RIMBP2: variants seen among roughly 807,000 people sequenced by gnomAD.
The protein encoded by RIMBP2 is RIMS-binding protein 2.
A neutral mutation model predicts 118.6 loss-of-function variants in RIMBP2; 48 were observed. That is an observed-to-expected ratio of 0.40 (90% confidence interval 0.32 to 0.51). The LOEUF (loss-of-function observed/expected upper bound fraction) is 0.51. Among genes scored for constraint, RIMBP2 ranks in the 20% least tolerant of loss-of-function variants. The pLI is 0.41. For missense variants in RIMBP2, 1,551 were observed against 1,768.3 expected (o/e 0.88, Z 2.20); for synonymous variants, 762 against 742.9 (o/e 1.03, Z -0.42).
At chr12:130,535,758 T>C (rs74494461) in intron 2 of RIMBP2, among the ~76,000 whole-genome samples, 24,307 of 63,020 alleles carry the variant, frequency 0.39, 2,825 homozygotes, top group Middle Eastern at 0.47. Flanking sequence ...TATATATATA[T>C]ATATATATAT....
intron 1 of RIMBP2, among the ~76,000 whole-genome samples, chr12:130,713,024 A>G (rs2136909051): frequency 6.6e-6 from 1 of 151,378 alleles, no homozygotes; most frequent in Admixed American, 6.6e-5. Context: ...GGTGAGTCAG[A>G]GAGAGAGACT....
Position 130,455,254 on chromosome 12 carries a change from C to T in RIMBP2, c.358+1242G>A, listed in dbSNP as rs114714723. Among the ~76,000 whole-genome samples the T allele has an allele frequency of 5.5e-3, 841 of 152,368 alleles. 7 individuals carry two copies. The highest frequency in any genetic ancestry group is 0.019 in the African/African-American group (797 of 41,590). On this transcript the variant is annotated intron_variant, in intron 7 of 22. Coordinates refer to ENST00000690449, the MANE Select transcript of RIMBP2 (RefSeq NM_001393629.1). Reference sequence around the variant, plus strand: ...CCTCCACTCTTCAGGTGTCACAGCTCAAATGTGGTTTCTTGGCAGCCGCCT... The same window carrying T: ...CCTCCACTCTTCAGGTGTCACAGCTTAAATGTGGTTTCTTGGCAGCCGCCT...
At chr12:130,538,145 G>A (rs564267989) in intron 2 of RIMBP2, among the ~76,000 whole-genome samples, 2 of 152,242 alleles carry the variant, frequency 1.3e-5, no homozygotes, top group African/African-American at 4.8e-5. Flanking sequence ...GCATTTGACC[G>A]TGGAGATGTT....
chr12:130,471,795 C>T (rs1358457216), intron 5 of RIMBP2: 2 of 152,584 alleles, frequency 1.3e-5, no homozygotes, highest in Non-Finnish European at 2.9e-5. Flanking sequence ...TTCCTCAGGC[C>T]TCTTCCTCCA....
intron 1 of RIMBP2, among the ~76,000 whole-genome samples, chr12:130,675,128 A>G (rs2064393079): frequency 6.6e-6 from 1 of 152,204 alleles, no homozygotes; most frequent in South Asian, 2.1e-4. Flanking sequence ...CTAGGACCCC[A>G]GTTGTCCCGA....
chr12:130,486,025 G>T (rs932581270), intron 4 of RIMBP2, among the ~76,000 whole-genome samples: 1 of 152,140 alleles, frequency 6.6e-6, no homozygotes, highest in African/African-American at 2.4e-5. Flanking sequence ...TTTGGCTTCA[G>T]CATCTATCTC....
chr12:130,451,069 G>T (rs2078964695), intron 8 of RIMBP2, 126 bp downstream of exon 8: 4 of 1,182,846 alleles, frequency 3.4e-6, no homozygotes, highest in African/African-American at 3.0e-5. Context: ...GGGGCAAAGG[G>T]AAGAACCAAC....
chr12:130,532,028 CGTCT>C (rs2053455362), intron 2 of RIMBP2, among the ~76,000 whole-genome samples: 1 of 81,302 alleles, frequency 1.2e-5, no homozygotes, highest in Non-Finnish European at 2.4e-5. Context: ...CTAGGAGGGA[CGTCT>C]AATGAGATGC....
At chr12:130,568,811 G>A (rs549967208) in intron 2 of RIMBP2, among the ~76,000 whole-genome samples, 10 of 152,194 alleles carry the variant, frequency 6.6e-5, no homozygotes, top group African/African-American at 2.4e-4. Context: ...TGTGAGGTGG[G>A]CAGAATTATT....
chr12:130,414,235 G>C lies in RIMBP2; in HGVS notation c.3310C>G (p.Leu1104Val). The C allele has an allele frequency of 1.2e-6, 2 of 1,614,100 alleles. No homozygotes were observed. Among genetic ancestry groups the C allele is most frequent in the Non-Finnish European group, 8.5e-7 (1 of 1,179,960 alleles). Residue 1104 changes from leucine to valine, a missense_variant, in exon 18 of 23, where the codon CTC (leucine) becomes GTC (valine). Physicochemically the swap from Leu to Val is conservative, Grantham distance 32 (BLOSUM62 1). Around this residue, in one of 5 missense-constraint regions of RIMBP2, gnomAD observed 1,038 missense variants for 1,125.1 expected, o/e 0.92. Coordinates refer to ENST00000690449, the MANE Select transcript of RIMBP2 (RefSeq NM_001393629.1). The stretch of plus-strand genomic sequence containing the variant: ...AGAGCCACAAAGATCCGGGCCGGGA[G>C]CTCTTCGGCACCAGGGTCAGTTTCT... ...ESETDPGAEE[L>V]PARIFVALFD...
chr12:130,469,537 T>C lies in RIMBP2; in HGVS notation c.153+1156A>G, dbSNP rs1051573281. On this transcript the variant is annotated intron_variant, in intron 6 of 22. Coordinates refer to ENST00000690449, the MANE Select transcript of RIMBP2 (RefSeq NM_001393629.1). This position sits in a 1 kb window ranked among gnomAD's most constrained non-coding sequence, Gnocchi z 4.8. ...TGGCCATTTGGAGGTCTGTTTCTAT[T>C]CTCCCAGGTTATATATTTTCCTATT... Among the ~76,000 whole-genome samples, 1 of 152,186 alleles carries C rather than the reference T, an allele frequency of 6.6e-6. No individual in the cohort carries two copies. Among genetic ancestry groups the C allele is most frequent in the Non-Finnish European group, 1.5e-5 (1 of 68,026 alleles).
At chr12:130,508,322 T>C (rs981289650) in intron 3 of RIMBP2, among the ~76,000 whole-genome samples, 6 of 151,766 alleles carry the variant, frequency 4.0e-5, no homozygotes, top group African/African-American at 1.5e-4. Context: ...TTCTGTGGTT[T>C]CCACAGAAAT....
chr12:130,478,865 C>T lies in RIMBP2; in HGVS notation c.102+47G>A, dbSNP rs765869347. ...CCACACCAGGGATCCCCGGCCCACC[C>T]GTGGACTCCCTGCCTCGCACGCCGC... On this transcript the variant is annotated intron_variant, in intron 5 of 22. Coordinates refer to ENST00000690449, the MANE Select transcript of RIMBP2 (RefSeq NM_001393629.1). 2.2e-5 allele frequency: 32 copies of T among 1,449,728 alleles called. 1 individual carries two copies. The highest frequency in any genetic ancestry group is 7.0e-5 in the African/African-American group (5 of 71,652). 89.8% of individuals were successfully genotyped at this position (1,449,728 alleles called of 1,614,324 possible). A position where few individuals can be genotyped will look rare whatever the true frequency, so the allele number is the denominator to read the frequency against.
At chr12:130,453,098 C>T (rs543141794) in intron 7 of RIMBP2, among the ~76,000 whole-genome samples, 1 of 152,214 alleles carries the variant, frequency 6.6e-6, no homozygotes, top group African/African-American at 2.4e-5. Context: ...AAAATGTTGA[C>T]TCAAAAAACC....
intron 2 of RIMBP2, among the ~76,000 whole-genome samples, chr12:130,583,633 A>G (rs2058623011): frequency 6.6e-6 from 1 of 150,414 alleles, no homozygotes; most frequent in Non-Finnish European, 1.5e-5. Flanking sequence ...TCACTATCAC[A>G]ACCATTATCG....
Position 130,576,056 on chromosome 12 carries a change from C to A in RIMBP2, c.-217+52266G>T, listed in dbSNP as rs962910026. On this transcript the variant is annotated intron_variant, in intron 2 of 22. Coordinates refer to ENST00000690449, the MANE Select transcript of RIMBP2 (RefSeq NM_001393629.1). The surrounding 1 kb of genome is among the most constrained non-coding windows in gnomAD (Gnocchi z 4.2). ...GACAGAACAACTGCCAGTGTGGAGA[C>A]ATCACAGTGGGAACTGTGTACTCTG... Among the ~76,000 whole-genome samples, 1 of 151,838 alleles carries A rather than the reference C, an allele frequency of 6.6e-6. No individual in the cohort carries two copies. Among genetic ancestry groups the A allele is most frequent in the Non-Finnish European group, 1.5e-5 (1 of 68,000 alleles).
At chr12:130,543,352 TATCTC>T (rs2054783497) in intron 2 of RIMBP2, among the ~76,000 whole-genome samples, 1 of 152,256 alleles carries the variant, frequency 6.6e-6, no homozygotes, top group Non-Finnish European at 1.5e-5. Context: ...TGGTAATCAT[TATCTC>T]ATGTTCTGGG....
intron 2 of RIMBP2, among the ~76,000 whole-genome samples, chr12:130,569,225 C>G (rs1294943735): frequency 6.6e-6 from 1 of 152,220 alleles, no homozygotes; most frequent in Admixed American, 6.5e-5. Flanking sequence ...ACCACATGAA[C>G]AGCATGACCT....
intron 4 of RIMBP2, among the ~76,000 whole-genome samples, chr12:130,492,183 T>C (rs2048705595): frequency 6.6e-6 from 1 of 152,200 alleles, no homozygotes; most frequent in Non-Finnish European, 1.5e-5. Flanking sequence ...CGATTTGCTT[T>C]CACCCAGCAC....
Sources: allele counts gnomAD v4.1 joint callset (sites outside exome capture counted in the v4.1 genomes callset), GRCh38; gene constraint gnomAD v4.1.1; regional missense constraint gnomAD v4.1.1; non-coding constraint Gnocchi (gnomAD v3.1); transcripts MANE v1.5; gene names NCBI Gene and HGNC (gene_info 2026-07-23, HGNC 2026-07-21).